SSH1: variants seen among roughly 807,000 people sequenced by gnomAD.
The protein encoded by SSH1 is slingshot protein phosphatase 1.
In SSH1, 43 loss-of-function variants were observed where a neutral mutation model predicts 79.7. That is an observed-to-expected ratio of 0.54 (90% CI 0.42 to 0.70). The LOEUF is 0.70. SSH1 is among the 30% of genes least tolerant of loss of function. SSH1 has a pLI of 0.00. For synonymous variants in SSH1, 599 were observed against 538.3 expected, an observed-to-expected ratio of 1.11 and a Z score of -1.56; for missense variants, 1,206 against 1,358.8, an observed-to-expected ratio of 0.89 and a Z score of 1.77.
intron 13 of SSH1, among the ~76,000 whole-genome samples, chr12:108,797,964 C>A (rs758864156): frequency 6.6e-6 from 1 of 152,248 alleles, no homozygotes; most frequent in Non-Finnish European, 1.5e-5. Context: ...TAACACACTG[C>A]TATCTGTGGA....
In SSH1 at chr12:108,807,695, C is replaced by G. The variant is rs762969161; in HGVS notation, c.669G>C (p.Glu223Asp). 4.3e-6 allele frequency: 7 copies of G among 1,613,366 alleles called. No individual in the cohort carries two copies. Among genetic ancestry groups the G allele is most frequent in the Admixed American group, 1.7e-5 (1 of 59,996 alleles). The change falls in exon 8 of 15, where the codon GAG (glutamate) becomes GAC (aspartate). Residue 223 changes from glutamate (E) to aspartate (D), a missense_variant. Coordinates refer to ENST00000326495, the MANE Select transcript of SSH1 (RefSeq NM_018984.4). The surrounding 1 kb of genome is among the most constrained non-coding windows in gnomAD (Gnocchi z 5.2). Reference protein sequence around the residue: ...CISSEQSCINEWNAMQDLEST... With the variant: ...CISSEQSCINDWNAMQDLEST... The stretch of plus-strand genomic sequence containing the variant: ...ACTCCAGGTCCTGCATGGCGTTCCA[C>G]TCGTTGATGCAGCTCTGCTCGGAGC...
chr12:108,791,869 G>T, intron 14 of SSH1: 1 of 1,153,018 alleles, frequency 8.7e-7, no homozygotes, highest in Non-Finnish European at 1.1e-6. Context: ...GTGTGGGGAA[G>T]TGGGTGGTAG....
At chr12:108,838,250 C>G (rs2038688393) in intron 2 of SSH1, among the ~76,000 whole-genome samples, 1 of 152,068 alleles carries the variant, frequency 6.6e-6, no homozygotes, top group African/African-American at 2.4e-5. Context: ...ATAGTTTTAC[C>G]CTCACCAAGC....
rs769098297 is a variant in SSH1 at position 108,807,680 on chromosome 12, C to T, written c.684G>A (p.Gln228=). Reference sequence around the variant, plus strand: ...AGTCGGGCCGCGTAGACTCCAGGTCCTGCATGGCGTTCCACTCGTTGATGC... The same window carrying T: ...AGTCGGGCCGCGTAGACTCCAGGTCTTGCATGGCGTTCCACTCGTTGATGC... ...QSCINEWNAM[Q]DLESTRPDSP... is the part of the protein sequence containing the mutation. The change falls in exon 8 of 15, where the codon CAG becomes CAA. Residue 228 remains glutamine (Q), a synonymous_variant. Transcript: ENST00000326495. This position sits in a 1 kb window ranked among gnomAD's most constrained non-coding sequence, Gnocchi z 5.2. 1.9e-6 allele frequency: 3 copies of T among 1,613,312 alleles called. No homozygotes were observed. Among genetic ancestry groups the T allele is most frequent in the South Asian group, 2.2e-5 (2 of 91,024 alleles).
chr12:108,791,912 T>G, intron 14 of SSH1: 1 of 1,304,896 alleles, frequency 7.7e-7, no homozygotes, highest in Non-Finnish European at 9.8e-7. Flanking sequence ...CATATATCGA[T>G]AAAGGCTGAA....
chr12:108,843,266 T>C (rs2038821330), intron 2 of SSH1, among the ~76,000 whole-genome samples: 1 of 152,040 alleles, frequency 6.6e-6, no homozygotes, highest in African/African-American at 2.4e-5. Context: ...GAGGCAACGG[T>C]GGGAAGAATT....
Position 108,799,013 on chromosome 12 carries a change from T to C in SSH1, c.1336A>G (p.Ile446Val). 6.2e-7 allele frequency: 1 copy of C among 1,613,124 alleles called. No individual in the cohort carries two copies. The highest frequency in any genetic ancestry group is 8.5e-7 in the Non-Finnish European group (1 of 1,179,866). ...FMRQLSEYEGILDASKQRHNK... is the reference protein window; with the variant it reads ...FMRQLSEYEGVLDASKQRHNK... ...GCAGGCACCCACCTTGCATCCAAGATGCCTTCATACTCAGACAGCTGCCTC... is the reference window on the plus strand; with the variant it reads ...GCAGGCACCCACCTTGCATCCAAGACGCCTTCATACTCAGACAGCTGCCTC... The change falls in exon 13 of 15, where the codon ATC becomes GTC. Residue 446 changes from isoleucine to valine, a missense_variant. Transcript: ENST00000326495.
chr12:108,839,080 G>A (rs1021299602), intron 2 of SSH1, among the ~76,000 whole-genome samples: 1 of 152,134 alleles, frequency 6.6e-6, no homozygotes, highest in African/African-American at 2.4e-5. Flanking sequence ...TACCCCTGAG[G>A]GATAAGGACT....
At chr12:108,846,005 A>T (rs556803777) in intron 2 of SSH1, among the ~76,000 whole-genome samples, 2 of 152,098 alleles carry the variant, frequency 1.3e-5, no homozygotes, top group African/African-American at 4.8e-5. Flanking sequence ...ACCCCCATCC[A>T]CTCTGACACT....
chr12:108,841,485 C>T (rs2038774945), intron 2 of SSH1, among the ~76,000 whole-genome samples: 1 of 152,128 alleles, frequency 6.6e-6, no homozygotes, highest in Admixed American at 6.5e-5. Context: ...CTCATTTGTC[C>T]CCATTCTAGA....
intron 5 of SSH1, among the ~76,000 whole-genome samples, chr12:108,812,864 CT>C (rs11320530): frequency 0.46 from 63,259 of 137,682 alleles, 13,734 homozygotes; most frequent in South Asian, 0.65. Context: ...TTTTTCTTTT[CT>C]TTTTTTTTTT....
intron 5 of SSH1, 113 bp from the exon 6 acceptor site, chr12:108,811,441 G>C: frequency 2.2e-6 from 2 of 911,072 alleles, no homozygotes; most frequent in South Asian, 1.3e-5. Context: ...TGTGGGAGTA[G>C]GCTGTCTGCA....
chr12:108,811,345 A>G lies in SSH1; in HGVS notation c.402-17T>C. 1 of 1,613,790 alleles carries G rather than the reference A, an allele frequency of 6.2e-7. No individual in the cohort carries two copies. Among genetic ancestry groups the G allele is most frequent in the South Asian group, 1.1e-5 (1 of 91,060 alleles). ...CAGCTTTTACTGCGATGGGGGAGAG[A>G]AGACATGTGGAGTCAGCGTCTACCC... On this transcript the variant is annotated splice_polypyrimidine_tract_variant and intron_variant, in intron 5 of 14. Transcript: ENST00000326495.
At chr12:108,837,741 G>C (rs1036644401) in intron 2 of SSH1, among the ~76,000 whole-genome samples, 1 of 151,750 alleles carries the variant, frequency 6.6e-6, no homozygotes, top group Non-Finnish European at 1.5e-5. Flanking sequence ...TTAATCATTT[G>C]TATGTGTTGG....
chr12:108,794,072 C>T (rs1262643592), intron 13 of SSH1, among the ~76,000 whole-genome samples: 1 of 152,258 alleles, frequency 6.6e-6, no homozygotes, highest in Non-Finnish European at 1.5e-5. Context: ...AAGGAGTCCA[C>T]AGTTGGCCGG....
chr12:108,841,201 C>A (rs976453005), intron 2 of SSH1, among the ~76,000 whole-genome samples: 3 of 152,318 alleles, frequency 2.0e-5, no homozygotes, highest in Non-Finnish European at 2.9e-5. Context: ...AGCTTTGCCC[C>A]ATTTATCATG....
intron 6 of SSH1, among the ~76,000 whole-genome samples, chr12:108,810,795 C>G (rs191464461): frequency 1.3e-5 from 2 of 152,356 alleles, no homozygotes; most frequent in Admixed American, 1.3e-4. Context: ...CCGGGTGGAA[C>G]TGGTTCATTC....
rs567223249 is a variant in SSH1, at chr12:108,836,899, A to G, written c.111-13538T>C. 82 of 533,684 alleles carry G rather than the reference A, an allele frequency of 1.5e-4. 1 individual carries two copies. The highest frequency in any genetic ancestry group is 1.1e-3 in the South Asian group (80 of 71,250). The allele number at this position is 533,684 out of a possible 1,614,324, so 33.1% of individuals were successfully genotyped here. A position where few individuals can be genotyped will look rare whatever the true frequency, so the allele number is the denominator to read the frequency against. On this transcript the variant is annotated intron_variant, in intron 2 of 14. Coordinates refer to ENST00000326495, the MANE Select transcript of SSH1 (RefSeq NM_018984.4). ...AAGAACATCAGACACACTCACACTG[A>G]GGGACACTCTGCAAACTGACAGTAC...
intron 10 of SSH1, among the ~76,000 whole-genome samples, chr12:108,804,351 A>G (rs1243457558): frequency 6.6e-6 from 1 of 152,210 alleles, no homozygotes; most frequent in African/African-American, 2.4e-5. Context: ...GTGGGCCCTG[A>G]TTTTCATTAC....
Sources: gnomAD v4.1 joint callset for allele counts (sites outside exome capture counted in the v4.1 genomes callset) on GRCh38, gnomAD v4.1.1 for gene constraint, Gnocchi (gnomAD v3.1) non-coding constraint, MANE v1.5 for transcripts, NCBI Gene and HGNC (gene_info 2026-07-23, HGNC 2026-07-21) for gene names.